The following BRINP1 variants were observed in gnomAD, a reference collection of about 807,000 sequenced individuals.
BRINP1 encodes the protein BMP/retinoic acid-inducible neural-specific protein 1.
In BRINP1, 17 loss-of-function variants were observed where a neutral mutation model predicts 72.9. The observed-to-expected ratio is 0.23, with a 90% CI of 0.16 to 0.35. The LOEUF (loss-of-function observed/expected upper bound fraction) is 0.35. Ranked by LOEUF, BRINP1 falls within the 10% of genes least tolerant of loss-of-function variation. BRINP1 has a pLI of 1.00. For missense variants in BRINP1, 850 were observed against 1,001.6 expected (o/e 0.85, Z 2.04); for synonymous variants, 418 against 378.5 (o/e 1.10, Z -1.21).
chr9:119,245,194 TAC>T (rs34730284), intron 3 of BRINP1, among the ~76,000 whole-genome samples: 195 of 125,854 alleles, frequency 1.5e-3, no homozygotes, highest in African/African-American at 3.9e-3. Flanking sequence ...CAAGCTCACA[TAC>T]ACACACACAC....
At chr9:119,211,963 C>G (rs937700961) in intron 6 of BRINP1, among the ~76,000 whole-genome samples, 1 of 152,102 alleles carries the variant, frequency 6.6e-6, no homozygotes, top group African/African-American at 2.4e-5. Context: ...GAGTCTTACT[C>G]CTTGTGCATA....
chr9:119,242,619 T>C (rs1177857157), intron 3 of BRINP1, among the ~76,000 whole-genome samples: 1 of 152,186 alleles, frequency 6.6e-6, no homozygotes, highest in African/African-American at 2.4e-5. Flanking sequence ...CAGTTCCTCC[T>C]TTTCCTCTAC....
intron 1 of BRINP1, among the ~76,000 whole-genome samples, chr9:119,348,773 C>T (rs1831473548): frequency 6.6e-6 from 1 of 152,180 alleles, no homozygotes. Context: ...AGGATTTGGA[C>T]TTTGCCTTAT....
At chr9:119,347,491 G>A (rs537396622) in intron 1 of BRINP1, among the ~76,000 whole-genome samples, 4 of 152,134 alleles carry the variant, frequency 2.6e-5, no homozygotes, top group African/African-American at 9.6e-5. Flanking sequence ...TTGGTTAAAA[G>A]GTAGCTATCA....
chr9:119,188,448 C>T (rs767641643), intron 7 of BRINP1, among the ~76,000 whole-genome samples: 5 of 152,058 alleles, frequency 3.3e-5, no homozygotes, highest in Non-Finnish European at 5.9e-5. Context: ...GAAGATTCAT[C>T]GCCACTAGAC....
intron 1 of BRINP1, among the ~76,000 whole-genome samples, chr9:119,336,938 C>T (rs545698339): frequency 5.9e-5 from 9 of 152,204 alleles, no homozygotes; most frequent in South Asian, 2.1e-4. Flanking sequence ...TCTGATTCCA[C>T]GGAAATGGGA....
intron 2 of BRINP1, among the ~76,000 whole-genome samples, chr9:119,266,423 C>T (rs542272660): frequency 5.3e-5 from 8 of 152,246 alleles, no homozygotes; most frequent in South Asian, 4.2e-4. Context: ...CAGAAAGTGA[C>T]GTTACGATTA....
At chr9:119,303,891 T>C (rs76088620) in intron 2 of BRINP1, among the ~76,000 whole-genome samples, 2 of 129,550 alleles carry the variant, frequency 1.5e-5, no homozygotes, top group African/African-American at 6.0e-5. Context: ...TTTTTTTTTT[T>C]AATTTTGAGA....
chr9:119,213,063 G>T (rs1278363967), intron 6 of BRINP1, among the ~76,000 whole-genome samples: 1 of 151,974 alleles, frequency 6.6e-6, no homozygotes, highest in Non-Finnish European at 1.5e-5. Flanking sequence ...CTCTCTCCTA[G>T]GCCCTTTGTG....
intron 2 of BRINP1, among the ~76,000 whole-genome samples, chr9:119,279,814 A>G (rs1298088750): frequency 6.6e-6 from 1 of 152,228 alleles, no homozygotes; most frequent in Non-Finnish European, 1.5e-5. Flanking sequence ...TTATTATTTA[A>G]CAATTTTCCT....
chr9:119,326,327 C>T (rs1831239339), intron 1 of BRINP1, among the ~76,000 whole-genome samples: 1 of 152,052 alleles, frequency 6.6e-6, no homozygotes, highest in Non-Finnish European at 1.5e-5. Flanking sequence ...TGTGAACTAC[C>T]ACAAATCAAC....
chr9:119,247,548 G>A (rs1267531885), intron 3 of BRINP1, among the ~76,000 whole-genome samples: 2 of 151,722 alleles, frequency 1.3e-5, no homozygotes, highest in Non-Finnish European at 2.9e-5. Flanking sequence ...CCAGCTGCTC[G>A]GCGGGCTGAG....
intron 5 of BRINP1, among the ~76,000 whole-genome samples, chr9:119,234,461 A>G (rs2118902822): frequency 6.6e-6 from 1 of 152,224 alleles, no homozygotes; most frequent in African/African-American, 2.4e-5. Context: ...TTCTTACAAG[A>G]CTATTTCCCT....
chr9:119,226,412 G>A (rs1314883101), intron 5 of BRINP1, among the ~76,000 whole-genome samples: 1 of 151,950 alleles, frequency 6.6e-6, no homozygotes, highest in Admixed American at 6.6e-5. Context: ...TCCATGCTGC[G>A]TACTTGGCCA....
At chr9:119,324,993 G>A (rs201359984) in intron 1 of BRINP1, among the ~76,000 whole-genome samples, 2 of 151,934 alleles carry the variant, frequency 1.3e-5, no homozygotes, top group Non-Finnish European at 2.9e-5. Context: ...CCAGCTACTC[G>A]GGAGGCTGAG....
chr9:119,179,317 A>G (rs1829526275), intron 7 of BRINP1, among the ~76,000 whole-genome samples: 1 of 152,304 alleles, frequency 6.6e-6, no homozygotes, highest in African/African-American at 2.4e-5. Context: ...GTTGGATGGG[A>G]TTTCAATTCA....
chr9:119,250,692 AAACTT>A (rs1830378467), intron 2 of BRINP1, among the ~76,000 whole-genome samples: 1 of 152,212 alleles, frequency 6.6e-6, no homozygotes, highest in South Asian at 2.1e-4. Context: ...GTACAAGTGA[AAACTT>A]AGAGGGACTG....
chr9:119,233,934 GTGTT>G (rs1830169596), intron 5 of BRINP1, among the ~76,000 whole-genome samples: 1 of 152,054 alleles, frequency 6.6e-6, no homozygotes, highest in South Asian at 2.1e-4. Context: ...ACTCAATGCT[GTGTT>G]TGTAAGATTC....
intron 4 of BRINP1, among the ~76,000 whole-genome samples, chr9:119,240,687 CTTTG>C (rs1019044157): frequency 1.3e-5 from 2 of 152,130 alleles, no homozygotes; most frequent in South Asian, 2.1e-4. Context: ...TAAACTGGCC[CTTTG>C]TTTGTTGGTC....
Sources: gnomAD v4.1 joint callset for allele counts (sites outside exome capture counted in the v4.1 genomes callset) on GRCh38, gnomAD v4.1.1 for gene constraint, MANE v1.5 for transcripts, NCBI Gene and HGNC (gene_info 2026-07-23, HGNC 2026-07-21) for gene names.